PIP5K1C: variants seen among roughly 807,000 people sequenced by gnomAD.
The protein encoded by PIP5K1C is phosphatidylinositol-4-phosphate 5-kinase type 1 gamma.
A neutral mutation model predicts 80.1 loss-of-function variants in PIP5K1C; 45 were observed. That is an observed-to-expected ratio of 0.56 (90% CI 0.44 to 0.72). The LOEUF is 0.72. Ranked by LOEUF, PIP5K1C falls within the 30% of genes least tolerant of loss-of-function variation. The pLI is 0.00. For missense variants in PIP5K1C, 753 were observed against 954.6 expected (o/e 0.79, Z 2.78); for synonymous variants, 498 against 420.1 (o/e 1.19, Z -2.27).
chr19:3,641,225 T>C (rs1435147048), intron 15 of PIP5K1C, among the ~76,000 whole-genome samples: 5 of 151,630 alleles, frequency 3.3e-5, no homozygotes, highest in South Asian at 4.2e-4. Flanking sequence ...ACAAAAAAAA[T>C]TTAAAAAATT....
At chr19:3,639,596 T>A (rs2033876477) in intron 15 of PIP5K1C, among the ~76,000 whole-genome samples, 1 of 151,006 alleles carries the variant, frequency 6.6e-6, no homozygotes, top group Admixed American at 6.6e-5. Context: ...TACACCCAAC[T>A]AATTTTTTTT....
chr19:3,653,595 G>A lies in PIP5K1C; in HGVS notation c.622-6C>T, dbSNP rs185331833. 3.0e-4 allele frequency: 480 copies of A among 1,603,700 alleles called. 2 individuals are homozygous for A. In the East Asian group the frequency reaches 3.5e-3, roughly 12 times the overall value. ...CGCGGGTTCTGGTTGAGGTTCTGCC[G>A]GGGGAAGAGGGCAAGTCGTGGAGGG... On this transcript the variant is annotated splice_polypyrimidine_tract_variant and splice_region_variant and intron_variant, in intron 6 of 17. Coordinates refer to ENST00000335312, the MANE Select transcript of PIP5K1C (RefSeq NM_012398.3).
rs148810017 is a variant in PIP5K1C at position 3,666,537 on chromosome 19, G to A, written c.126+785C>T. Among the ~76,000 whole-genome samples the A allele has an allele frequency of 3.2e-3, 492 of 152,020 alleles. 4 individuals carry two copies. Among genetic ancestry groups the A allele is most frequent in the African/African-American group, 0.011 (475 of 41,462 alleles). ...CACAGGCAAACGTGTACATACGCAC[G>A]CAGGCAAACAGGCACACAGGCAAAC... On this transcript the variant is annotated intron_variant, in intron 2 of 17. Coordinates refer to ENST00000335312, the MANE Select transcript of PIP5K1C (RefSeq NM_012398.3).
chr19:3,644,568 CTTCA>C (rs1429508054), intron 11 of PIP5K1C, among the ~76,000 whole-genome samples: 3 of 152,228 alleles, frequency 2.0e-5, no homozygotes, highest in Non-Finnish European at 4.4e-5. Flanking sequence ...TGCCTGCAGG[CTTCA>C]ACCCCTTCTA....
chr19:3,638,063 G>A (rs2033781758), intron 16 of PIP5K1C: 5 of 1,451,890 alleles, frequency 3.4e-6, no homozygotes, highest in Middle Eastern at 2.4e-4. Flanking sequence ...CCCCACAACA[G>A]GCCCTAAGGC....
chr19:3,643,056 A>G (rs2034039257), intron 13 of PIP5K1C, 117 bp from the exon 14 acceptor site: 1 of 1,465,674 alleles, frequency 6.8e-7, no homozygotes, highest in Non-Finnish European at 9.5e-7. Flanking sequence ...CCACCTGTAC[A>G]TATGCTCCTC....
rs9304907 is a variant in PIP5K1C, at chr19:3,696,707, C to G, written c.94+3590G>C. Reference sequence around the variant, plus strand: ...CCATGGGCCTACAGCAGAGTGCAGACGGGAGGGCAGGGAGGGCAGAGTGCG... The same window carrying G: ...CCATGGGCCTACAGCAGAGTGCAGAGGGGAGGGCAGGGAGGGCAGAGTGCG... On this transcript the variant is annotated intron_variant, in intron 1 of 17. Transcript: ENST00000335312. The surrounding 1 kb of genome is among the most constrained non-coding windows in gnomAD (Gnocchi z 4.1). Among the ~76,000 whole-genome samples the G allele has an allele frequency of 0.48, 50,563 of 105,018 alleles. 11,110 individuals carry two copies. The highest frequency in any genetic ancestry group is 0.68 in the African/African-American group (21,998 of 32,544). The allele number at this position is 105,018 out of a possible 152,430, so 68.9% of individuals were successfully genotyped here.
rs760471111 is a variant in PIP5K1C at position 3,648,751 on chromosome 19, TG to T, written c.1128-44del. On this transcript the variant is annotated intron_variant, in intron 8 of 17. Transcript: ENST00000335312. The surrounding 1 kb of genome is among the most constrained non-coding windows in gnomAD (Gnocchi z 4.3). ...GGGTACCATCAGCATCCCGCAGAGC[TG>T]GGACTCGGGGCAGGCGGGGCTGGGG... The T allele has an allele frequency of 9.0e-6, 14 of 1,560,930 alleles. No homozygotes were observed. In the South Asian group the frequency reaches 1.6e-4, roughly 17 times the overall value.
chr19:3,652,123 G>T, intron 7 of PIP5K1C, 92 bp from the exon 8 acceptor site: 1 of 1,210,908 alleles, frequency 8.3e-7, no homozygotes, highest in Non-Finnish European at 1.2e-6. Flanking sequence ...AGCACGGATG[G>T]CCCCGTGGGC....
At chr19:3,685,968 C>T (rs2035747632) in intron 1 of PIP5K1C, among the ~76,000 whole-genome samples, 1 of 151,766 alleles carries the variant, frequency 6.6e-6, no homozygotes, top group Admixed American at 6.6e-5. Context: ...CTCAAGCGAC[C>T]GTCCTGCCTC....
chr19:3,678,024 C>T (rs540745845), intron 1 of PIP5K1C, among the ~76,000 whole-genome samples: 58 of 48,392 alleles, frequency 1.2e-3, no homozygotes, highest in African/African-American at 4.2e-3. Flanking sequence ...GATGGAGAGA[C>T]GGAGGGATGG....
At chr19:3,681,543 T>C (rs1378843097) in intron 1 of PIP5K1C, among the ~76,000 whole-genome samples, 1 of 152,018 alleles carries the variant, frequency 6.6e-6, no homozygotes, top group Non-Finnish European at 1.5e-5. Flanking sequence ...ACTTTTGTCT[T>C]TTGTTTGAAG....
chr19:3,643,516 C>A, intron 12 of PIP5K1C, 135 bp from the exon 13 acceptor site: 1 of 1,016,418 alleles, frequency 9.8e-7, no homozygotes, highest in South Asian at 1.5e-5. Flanking sequence ...TCCCACCTCC[C>A]CACACGGCAG....
intron 6 of PIP5K1C, among the ~76,000 whole-genome samples, chr19:3,655,537 C>T (rs988444952): frequency 7.9e-5 from 12 of 152,264 alleles, no homozygotes; most frequent in Admixed American, 1.3e-4. Context: ...CACATGGCCG[C>T]GCCCATCCAT....
In PIP5K1C at chr19:3,667,452, G is replaced by A. The variant is rs145617981; in HGVS notation, c.95-99C>T. On this transcript the variant is annotated intron_variant, in intron 1 of 17. Coordinates refer to ENST00000335312, the MANE Select transcript of PIP5K1C (RefSeq NM_012398.3). ...CACCTTCTGGCGCCCCAGGCCTGGC[G>A]TGTGTAACTCCGCGTGGGGCTGGTC... is the stretch of plus-strand genomic sequence containing the variant. 7,138 of 1,312,950 alleles carry A rather than the reference G, an allele frequency of 5.4e-3. 35 individuals are homozygous for A. The highest frequency in any genetic ancestry group is 0.039 in the Middle Eastern group (214 of 5,484). 81.3% of individuals were successfully genotyped at this position (1,312,950 alleles called of 1,614,324 possible). A position where few individuals can be genotyped will look rare whatever the true frequency, so the allele number is the denominator to read the frequency against.
At position 3,653,566 on chromosome 19, in the gene PIP5K1C, C is replaced by A. The variant is rs779545106; in HGVS notation, c.645G>T (p.Thr215=). The change falls in exon 7 of 18, where the codon ACG becomes ACT. Residue 215 remains threonine (T), a synonymous_variant. Transcript: ENST00000335312. ...ACAGCCCATAGAACTTGGGCAGCAG[C>A]GTCCGCGGGTTCTGGTTGAGGTTCT... ...YYMNLNQNPR[T]LLPKFYGLYC... The A allele has an allele frequency of 1.9e-6, 3 of 1,608,688 alleles. No individual in the cohort carries two copies. Among genetic ancestry groups the A allele is most frequent in the Non-Finnish European group, 2.6e-6 (3 of 1,175,736 alleles).
intron 1 of PIP5K1C, among the ~76,000 whole-genome samples, chr19:3,683,618 G>C (rs1372472777): frequency 1.3e-5 from 2 of 152,240 alleles, no homozygotes; most frequent in Non-Finnish European, 2.9e-5. Flanking sequence ...TCGCTTGCCT[G>C]ATCATGCAGC....
intron 1 of PIP5K1C, among the ~76,000 whole-genome samples, chr19:3,698,247 G>A (rs985822752): frequency 7.9e-5 from 12 of 152,200 alleles, no homozygotes; most frequent in Non-Finnish European, 1.3e-4. Flanking sequence ...CACCAAGCAC[G>A]AGCGCCAACT....
chr19:3,639,110 G>C (rs377649668), intron 15 of PIP5K1C, 94 bp from the exon 16 acceptor site: 10 of 1,422,950 alleles, frequency 7.0e-6, no homozygotes, highest in Non-Finnish European at 9.7e-6. Flanking sequence ...GGCTTCATAC[G>C]GTCATCACGG....
Sources: gnomAD v4.1 joint callset for allele counts (sites outside exome capture counted in the v4.1 genomes callset) on GRCh38, gnomAD v4.1.1 for gene constraint, Gnocchi (gnomAD v3.1) non-coding constraint, MANE v1.5 for transcripts, NCBI Gene and HGNC (gene_info 2026-07-23, HGNC 2026-07-21) for gene names.